The following IGF2R variants were observed in gnomAD, a reference collection of about 807,000 sequenced individuals.
IGF2R encodes insulin like growth factor 2 receptor.
A neutral mutation model predicts 270.6 loss-of-function variants in IGF2R; 91 were observed. The observed-to-expected ratio is 0.34, with a 90% CI of 0.28 to 0.40. The LOEUF is 0.40. Ranked by LOEUF, IGF2R falls within the 10% of genes least tolerant of loss-of-function variation. IGF2R has a pLI of 1.00. For missense variants in IGF2R, 2,805 were observed against 3,188.3 expected (o/e 0.88, Z 2.90); for synonymous variants, 1,316 against 1,258.9 (o/e 1.05, Z -0.96).
At chr6:159,977,084 C>T (rs997400118) in intron 1 of IGF2R, among the ~76,000 whole-genome samples, 1 of 152,210 alleles carries the variant, frequency 6.6e-6, no homozygotes, top group African/African-American at 2.4e-5. Context: ...TCCCTGTTGT[C>T]TTTTGTTGCA....
intron 9 of IGF2R, 94 bp downstream of exon 9, chr6:160,033,201 A>G (rs1777738092): frequency 6.3e-6 from 5 of 794,500 alleles, no homozygotes; most frequent in South Asian, 3.5e-5. Flanking sequence ...CAGTGGTGCA[A>G]TCTCGGTGCA....
rs936453275 is a variant in IGF2R at position 160,106,394 on chromosome 6, C to T, written c.*1310C>T. The T allele has an allele frequency of 1.3e-5, 2 of 152,722 alleles. No homozygotes were observed. Among genetic ancestry groups the T allele is most frequent in the African/African-American group, 2.4e-5 (1 of 41,554 alleles). 9.5% of individuals were successfully genotyped at this position (152,722 alleles called of 1,614,324 possible). ...GGTGTTCTATTGCTGAGAAGCAAAC[C>T]GCCCTGCAGCATCCCTCAGCCTGTA... On this transcript the variant is annotated 3_prime_UTR_variant, in exon 48 of 48. Coordinates refer to ENST00000356956, the MANE Select transcript of IGF2R (RefSeq NM_000876.4).
At chr6:160,065,814 G>GTGTGTGTGTGTGTGTGTATA in intron 29 of IGF2R, among the ~76,000 whole-genome samples, 3 of 78,390 alleles carry the variant, frequency 3.8e-5, no homozygotes, top group Admixed American at 1.6e-4. Context: ...GTGTGTGTGT[G>GTGTGTGTGTGTGTGTGTATA]TATATATATA....
In IGF2R at chr6:160,050,543, G is replaced by A. The variant is rs746633948; in HGVS notation, c.2585G>A (p.Ser862Asn). The change falls in exon 19 of 48, where the codon AGC (serine) becomes AAC (asparagine). Residue 862 changes from serine to asparagine, a missense_variant. This residue lies in a region of IGF2R where 1,851 missense variants were observed against 2,207.2 expected (regional missense o/e 0.84). Coordinates refer to ENST00000356956, the MANE Select transcript of IGF2R (RefSeq NM_000876.4). The surrounding 1 kb of genome is among the most constrained non-coding windows in gnomAD (Gnocchi z 4.0). ...MAKTGPVVEDSGSLLLEYVNG... is the reference protein window; with the variant it reads ...MAKTGPVVEDNGSLLLEYVNG... ...AAGACCGGCCCGGTGGTTGAGGACAGCGGCAGCCTCCTTCTGGAATACGTG... is the reference window on the plus strand; with the variant it reads ...AAGACCGGCCCGGTGGTTGAGGACAACGGCAGCCTCCTTCTGGAATACGTG... The A allele has an allele frequency of 1.9e-6, 3 of 1,614,140 alleles. No homozygotes were observed. In the South Asian group the frequency reaches 3.3e-5, roughly 18 times the overall value.
At position 160,111,359 on chromosome 6, in the gene IGF2R, T is replaced by C. The variant is rs1779735863; in HGVS notation, c.*6275T>C. 1 of 152,344 alleles carries C rather than the reference T, an allele frequency of 6.6e-6. No homozygotes were observed. The highest frequency in any genetic ancestry group is 1.5e-5 in the Non-Finnish European group (1 of 68,130). 9.4% of individuals were successfully genotyped at this position (152,344 alleles called of 1,614,324 possible). ...TTCCTCCTCCTCCTCCTCAGCCTAC[T>C]CAGGGTAAAGACAAGGATGAAGACC... is the stretch of plus-strand genomic sequence containing the variant. On this transcript the variant is annotated 3_prime_UTR_variant, in exon 48 of 48. Coordinates refer to ENST00000356956, the MANE Select transcript of IGF2R (RefSeq NM_000876.4).
chr6:160,062,424 GGCCTCCCAAAGT>G, intron 25 of IGF2R, 96 bp from the exon 26 acceptor site: 1 of 784,042 alleles, frequency 1.3e-6, no homozygotes. Context: ...CACCCGTCTC[GGCCTCCCAAAGT>G]GCTGAGATTA....
Position 160,060,559 on chromosome 6 carries a change from C to T in IGF2R, c.3104C>T (p.Ala1035Val). The T allele has an allele frequency of 1.2e-6, 2 of 1,614,250 alleles. No homozygotes were observed. Among genetic ancestry groups the T allele is most frequent in the Non-Finnish European group, 1.7e-6 (2 of 1,180,036 alleles). The stretch of plus-strand genomic sequence containing the variant: ...TCTTGCTTTACAGGTACCGCTGATG[C>T]TTTTATCGTCCGCTTTGTTTGCAAT... The part of the protein sequence containing the change: ...GPLSAKGTAD[A>V]FIVRFVCNDD... Residue 1035 changes from alanine to valine, a missense_variant, in exon 23 of 48, where the codon GCT becomes GTT. Physicochemically the swap from Ala to Val is moderately conservative, Grantham distance 64. Around this residue, in one of 2 missense-constraint regions of IGF2R, gnomAD observed 1,851 missense variants for 2,207.2 expected, o/e 0.84. Transcript: ENST00000356956.
rs1418560491 is a variant in IGF2R, at chr6:159,993,533, T to G, written c.289+2210T>G. 2.6e-5 allele frequency among the ~76,000 whole-genome samples: 4 copies of G among 152,340 alleles called. No homozygotes were observed. In the East Asian group the frequency reaches 7.7e-4, roughly 29 times the overall value. On this transcript the variant is annotated intron_variant, in intron 2 of 47. Coordinates refer to ENST00000356956, the MANE Select transcript of IGF2R (RefSeq NM_000876.4). Reference sequence around the variant, plus strand: ...TTGTCAAAGATCAGTTGGTTTTAAGTATGTGGCCCTGACTCTGGGTTCTCT... The same window carrying G: ...TTGTCAAAGATCAGTTGGTTTTAAGGATGTGGCCCTGACTCTGGGTTCTCT...
rs183027886 is a variant in IGF2R at position 160,083,984 on chromosome 6, G to C, written c.5868G>C (p.Lys1956Asn). The C allele has an allele frequency of 2.5e-6, 4 of 1,613,886 alleles. No individual in the cohort carries two copies. In the East Asian group the frequency reaches 8.9e-5, roughly 36 times the overall value. The change falls in exon 40 of 48, where the codon AAG becomes AAC. Residue 1956 changes from lysine to asparagine, a missense_variant. Physicochemically the swap from Lys to Asn is moderately conservative, Grantham distance 94. Coordinates refer to ENST00000356956, the MANE Select transcript of IGF2R (RefSeq NM_000876.4). Reference protein sequence around the residue: ...NSYRTSSIIFKCDEDEDIGRP... With the variant: ...NSYRTSSIIFNCDEDEDIGRP... ...ACCGGACATCCAGCATCATATTTAA[G>C]TGTGATGAAGATGAGGACATTGGGA...
intron 3 of IGF2R, chr6:160,010,414 A>G (rs1411726827): frequency 1.0e-5 from 3 of 290,486 alleles, no homozygotes; most frequent in South Asian, 7.9e-5. Flanking sequence ...ATTTCTTCCC[A>G]TGAACTCACT....
chr6:160,026,512 G>A (rs1054607646), intron 5 of IGF2R, among the ~76,000 whole-genome samples: 8 of 152,176 alleles, frequency 5.3e-5, no homozygotes, highest in African/African-American at 1.9e-4. Context: ...TGGAACTTTA[G>A]TTAGATAGGA....
chr6:160,063,099 G>T (rs896415911), intron 26 of IGF2R, among the ~76,000 whole-genome samples: 1 of 148,702 alleles, frequency 6.7e-6, no homozygotes, highest in African/African-American at 2.5e-5. Context: ...GTGTAATGGC[G>T]CCATCTCGGC....
intron 31 of IGF2R, among the ~76,000 whole-genome samples, chr6:160,070,513 T>C (rs1029776376): frequency 6.6e-6 from 1 of 152,158 alleles, no homozygotes; most frequent in African/African-American, 2.4e-5. Context: ...GTCCTGCCCA[T>C]TGCAGGGTTT....
At chr6:159,991,397 T>C in intron 2 of IGF2R, 74 bp downstream of exon 2, 2 of 1,286,758 alleles carry the variant, frequency 1.6e-6, no homozygotes, top group Non-Finnish European at 2.2e-6. Context: ...TGTGTATAGC[T>C]ATACGTATAT....
intron 19 of IGF2R, among the ~76,000 whole-genome samples, chr6:160,051,453 AG>A (rs1233726384): frequency 5.7e-4 from 87 of 152,230 alleles, no homozygotes; most frequent in African/African-American, 2.0e-3. Flanking sequence ...CCTGTGCTTG[AG>A]GGTGGAGGTA....
At chr6:159,977,395 T>C (rs148368791) in intron 1 of IGF2R, among the ~76,000 whole-genome samples, 1 of 152,320 alleles carries the variant, frequency 6.6e-6, no homozygotes, top group African/African-American at 2.4e-5. Flanking sequence ...TGGCTGTAAA[T>C]TGTTTTCAGG....
At chr6:160,031,642 C>A (rs1416330252) in intron 7 of IGF2R, among the ~76,000 whole-genome samples, 2 of 152,142 alleles carry the variant, frequency 1.3e-5, no homozygotes, top group Non-Finnish European at 2.9e-5. Flanking sequence ...TCAGACTGCA[C>A]TGAGCCACGT....
chr6:159,996,316 G>C (rs1390512277), intron 2 of IGF2R, among the ~76,000 whole-genome samples: 2 of 152,246 alleles, frequency 1.3e-5, no homozygotes, highest in Admixed American at 1.3e-4. Context: ...ACCAGCTGCA[G>C]TGGAATCCGA....
Position 160,103,033 on chromosome 6 carries a change from C to T in IGF2R, c.6995+362C>T, listed in dbSNP as rs553989972. Among the ~76,000 whole-genome samples the T allele has an allele frequency of 6.2e-4, 94 of 152,250 alleles. 1 individual carries two copies. The highest frequency in any genetic ancestry group is 1.1e-3 in the Non-Finnish European group (76 of 68,014). On this transcript the variant is annotated intron_variant, in intron 46 of 47. Coordinates refer to ENST00000356956, the MANE Select transcript of IGF2R (RefSeq NM_000876.4). ...ATCATAAATGCAGGAGTTTATTAAG[C>T]GCCTGCTATGTACCAGGTATGATGC... is the stretch of plus-strand genomic sequence containing the variant.
Sources: allele counts gnomAD v4.1 joint callset (sites outside exome capture counted in the v4.1 genomes callset), GRCh38; gene constraint gnomAD v4.1.1; regional missense constraint gnomAD v4.1.1; non-coding constraint Gnocchi (gnomAD v3.1); transcripts MANE v1.5; gene names NCBI Gene and HGNC (gene_info 2026-07-23, HGNC 2026-07-21).